NLGN1: variants seen among roughly 807,000 people sequenced by gnomAD.
NLGN1 encodes neuroligin 1, also known as neuroligin-1.
In NLGN1, 12 loss-of-function variants were observed where a neutral mutation model predicts 65.5. That is an observed-to-expected ratio of 0.18 (90% confidence interval 0.12 to 0.30). The LOEUF (loss-of-function observed/expected upper bound fraction) is 0.30, where lower values mean the gene tolerates loss of function less well. Among genes scored for constraint, NLGN1 ranks in the 10% least tolerant of loss-of-function variants. The pLI is 1.00. For missense variants in NLGN1, 750 were observed against 1,007.1 expected (o/e 0.74, Z 3.46); for synonymous variants, 350 against 359.5 (o/e 0.97, Z 0.30).
intron 4 of NLGN1, chr3:173,910,469 A>C (rs1739364451): frequency 6.6e-6 from 1 of 152,160 alleles, no homozygotes; most frequent in Non-Finnish European, 1.5e-5. Flanking sequence ...TTTTGCTACC[A>C]TTTTATTTTG....
Position 173,972,951 on chromosome 3 carries a change from T to C in NLGN1, c.646+165119T>C, listed in dbSNP as rs944381872. On this transcript the variant is annotated intron_variant, in intron 4 of 6. Transcript: ENST00000457714. Reference sequence around the variant, plus strand: ...TGATTCTCCTGCACACTGTAGAGTCTAAGAACCACTGTTAAGAGTTTAGTG... The same window carrying C: ...TGATTCTCCTGCACACTGTAGAGTCCAAGAACCACTGTTAAGAGTTTAGTG... Among the ~76,000 whole-genome samples the C allele has an allele frequency of 5.9e-5, 9 of 152,268 alleles. No homozygotes were observed. In the South Asian group the frequency reaches 1.7e-3, roughly 28 times the overall value.
At chr3:173,910,662 A>C (rs937454994) in intron 4 of NLGN1, 3 of 152,254 alleles carry the variant, frequency 2.0e-5, no homozygotes, top group African/African-American at 7.2e-5. Flanking sequence ...ACTAAATTTT[A>C]ATAAGTAATA....
At chr3:174,123,761 A>G (rs1718281119) in intron 4 of NLGN1, among the ~76,000 whole-genome samples, 1 of 152,146 alleles carries the variant, frequency 6.6e-6, no homozygotes. Context: ...TTAAAGCTCA[A>G]GAATCTGCAG....
intron 3 of NLGN1, among the ~76,000 whole-genome samples, chr3:173,637,103 A>G (rs1756715053): frequency 6.6e-6 from 1 of 152,170 alleles, no homozygotes; most frequent in South Asian, 2.1e-4. Flanking sequence ...TGAACAGCAA[A>G]CACTCGGTGA....
At chr3:173,476,206 C>T (rs1434705218) in intron 2 of NLGN1, among the ~76,000 whole-genome samples, 4 of 152,108 alleles carry the variant, frequency 2.6e-5, no homozygotes, top group Non-Finnish European at 5.9e-5. Context: ...AGTGGGGACT[C>T]TGTCTCTAGA....
intron 1 of NLGN1, among the ~76,000 whole-genome samples, chr3:173,415,265 C>T (rs1713442260): frequency 6.6e-6 from 1 of 152,132 alleles, no homozygotes; most frequent in African/African-American, 2.4e-5. Context: ...GCAAAATAGG[C>T]AAATTTACAG....
intron 4 of NLGN1, among the ~76,000 whole-genome samples, chr3:174,275,012 T>C (rs1750265646): frequency 6.6e-6 from 1 of 151,820 alleles, no homozygotes; most frequent in Non-Finnish European, 1.5e-5. Flanking sequence ...ACTGAGTAGC[T>C]TGGCCCCTGG....
intron 4 of NLGN1, among the ~76,000 whole-genome samples, chr3:174,072,648 A>G (rs941513410): frequency 2.0e-5 from 3 of 152,120 alleles, no homozygotes; most frequent in African/African-American, 4.8e-5. Context: ...CTTCCCACAA[A>G]GCTTGCAGTC....
At chr3:173,710,453 T>C (rs1768772285) in intron 3 of NLGN1, among the ~76,000 whole-genome samples, 1 of 152,186 alleles carries the variant, frequency 6.6e-6, no homozygotes, top group South Asian at 2.1e-4. Flanking sequence ...ATATCTAAAA[T>C]AAGTTTTAAA....
At chr3:173,592,025 A>G (rs1338258593) in intron 2 of NLGN1, among the ~76,000 whole-genome samples, 1 of 152,174 alleles carries the variant, frequency 6.6e-6, no homozygotes. Context: ...ATTGGTTTTA[A>G]AAATGTATCC....
chr3:174,273,320 C>A (rs188796930), intron 4 of NLGN1, among the ~76,000 whole-genome samples: 20 of 151,596 alleles, frequency 1.3e-4, no homozygotes, highest in Admixed American at 9.2e-4. Context: ...CGCACATATC[C>A]TTTTTCCTTC....
chr3:173,987,901 A>G (rs1400085702), intron 4 of NLGN1, among the ~76,000 whole-genome samples: 1 of 152,180 alleles, frequency 6.6e-6, no homozygotes, highest in Non-Finnish European at 1.5e-5. Flanking sequence ...TTACTGTCAA[A>G]TATTCCAAAT....
intron 3 of NLGN1, among the ~76,000 whole-genome samples, chr3:173,741,377 C>T (rs1774620089): frequency 6.6e-6 from 1 of 152,018 alleles, no homozygotes; most frequent in East Asian, 1.9e-4. Context: ...TACTATGTGC[C>T]AGGTAAAAGG....
chr3:173,848,208 A>G (rs1560487010), intron 4 of NLGN1, among the ~76,000 whole-genome samples: 1 of 152,214 alleles, frequency 6.6e-6, no homozygotes, highest in Non-Finnish European at 1.5e-5. Context: ...TCACAAGGGT[A>G]AAGACCCTAG....
At chr3:174,224,523 C>A (rs371717565) in intron 4 of NLGN1, among the ~76,000 whole-genome samples, 1 of 152,054 alleles carries the variant, frequency 6.6e-6, no homozygotes, top group Non-Finnish European at 1.5e-5. Context: ...ACACGGTGAA[C>A]CCCCGTCTCT....
At position 173,992,857 on chromosome 3, in the gene NLGN1, T is replaced by C. The variant is rs184034666; in HGVS notation, c.646+185025T>C. On this transcript the variant is annotated intron_variant, in intron 4 of 6. Transcript: ENST00000457714. ...ATACAGCAATATTTGTGTTTATTTG[T>C]TTAAAAGTAACCTGGAAAAGATTTC... Among the ~76,000 whole-genome samples, 29 of 152,324 alleles carry C rather than the reference T, an allele frequency of 1.9e-4. No individual in the cohort carries two copies. In the East Asian group the frequency reaches 5.4e-3, roughly 28 times the overall value.
chr3:173,645,579 A>T (rs1339831471), intron 3 of NLGN1, among the ~76,000 whole-genome samples: 1 of 152,178 alleles, frequency 6.6e-6, no homozygotes, highest in Non-Finnish European at 1.5e-5. Flanking sequence ...TCAGGCCGAG[A>T]TGGGCCTTGT....
At chr3:173,842,035 C>T (rs929728868) in intron 4 of NLGN1, among the ~76,000 whole-genome samples, 5 of 152,164 alleles carry the variant, frequency 3.3e-5, no homozygotes, top group African/African-American at 1.2e-4. Flanking sequence ...ACTCACAGTT[C>T]CACATGGCTG....
At chr3:174,225,177 T>C (rs1472733535) in intron 4 of NLGN1, among the ~76,000 whole-genome samples, 1 of 152,202 alleles carries the variant, frequency 6.6e-6, no homozygotes, top group Non-Finnish European at 1.5e-5. Context: ...CCAAAGTTTT[T>C]AATCTTGTTT....
Sources: gnomAD v4.1 joint callset for allele counts (sites outside exome capture counted in the v4.1 genomes callset) on GRCh38, gnomAD v4.1.1 for gene constraint, MANE v1.5 for transcripts, NCBI Gene and HGNC (gene_info 2026-07-23, HGNC 2026-07-21) for gene names.